NECAB3: variants seen among roughly 807,000 people sequenced by gnomAD.
The protein encoded by NECAB3 is N-terminal EF-hand calcium-binding protein 3.
Under a neutral mutation model 57.2 loss-of-function variants are expected in NECAB3, and 38 were observed. That is an observed-to-expected ratio of 0.66 (90% CI 0.51 to 0.87). The LOEUF is 0.87. NECAB3 is among the 40% of genes least tolerant of loss of function. NECAB3 has a pLI of 0.00. For synonymous variants in NECAB3, 223 were observed against 222.6 expected (o/e 1.00, Z -0.02); for missense variants, 474 against 527.5 (o/e 0.90, Z 0.99).
At chr20:33,672,123 G>A (rs965847938) in intron 2 of NECAB3, 11 of 536,162 alleles carry the variant, frequency 2.1e-5, no homozygotes, top group Non-Finnish European at 2.7e-5. Flanking sequence ...AGAGGGCCAC[G>A]TACAGGAAGT....
chr20:33,667,662 C>G, intron 5 of NECAB3: 1 of 1,611,152 alleles, frequency 6.2e-7, no homozygotes, highest in Non-Finnish European at 8.5e-7. Context: ...TGTCGCGCTA[C>G]CTGCGGGATC....
rs745903315 is a variant in NECAB3 at position 33,663,481 on chromosome 20, G to C, written c.388-3086C>G. The stretch of plus-strand genomic sequence containing the variant: ...GAAGCGCGGAGCGGCCCCGGGTCGT[G>C]GGCTCGGCCCTAGCGCGCTCTCCCG... On this transcript the variant is annotated intron_variant, in intron 5 of 11. Coordinates refer to ENST00000246190, the MANE Select transcript of NECAB3 (RefSeq NM_031232.4). 1.1e-5 allele frequency: 17 copies of C among 1,556,530 alleles called. No homozygotes were observed. In the African/African-American group the frequency reaches 2.2e-4, roughly 20 times the overall value.
intron 10 of NECAB3, among the ~76,000 whole-genome samples, chr20:33,658,262 T>C (rs1352782089): frequency 6.6e-6 from 1 of 152,216 alleles, no homozygotes. Context: ...CCTGTGTCCC[T>C]GTGCTGTATT....
At chr20:33,663,398 CGA>C (rs2017542879) in intron 5 of NECAB3, 1 of 972,726 alleles carries the variant, frequency 1.0e-6, no homozygotes, top group Non-Finnish European at 1.5e-6. Context: ...GCCCTGTGCA[CGA>C]GAGGATGACA....
rs372277016 is a variant in NECAB3 at position 33,671,442 on chromosome 20, C to G, written c.155-650G>C. ...TCTGAACCTCCCCAGACAGAACTCC[C>G]TGGTCCAAGTGAGAGCATGTGTCCT... On this transcript the variant is annotated intron_variant, in intron 2 of 11. Transcript: ENST00000246190. 9.9e-5 allele frequency among the ~76,000 whole-genome samples: 15 copies of G among 152,250 alleles called. No homozygotes were observed. The East Asian group carries it at 2.5e-3, about 25-fold the overall frequency.
intron 5 of NECAB3, chr20:33,663,881 A>G: frequency 7.2e-7 from 1 of 1,381,574 alleles, no homozygotes; most frequent in Non-Finnish European, 9.3e-7. Flanking sequence ...CTTGGCCCGG[A>G]CCCCGCCCAA....
intron 10 of NECAB3, among the ~76,000 whole-genome samples, 165 bp downstream of exon 10, chr20:33,658,312 G>A (rs929696809): frequency 2.0e-5 from 3 of 152,146 alleles, no homozygotes; most frequent in Admixed American, 2.0e-4. Context: ...ATAGGAGTTG[G>A]AACTGTTATC....
At chr20:33,673,606 C>CT (rs1299673846) in intron 1 of NECAB3, among the ~76,000 whole-genome samples, 20 of 151,874 alleles carry the variant, frequency 1.3e-4, no homozygotes, top group Non-Finnish European at 7.4e-5. Flanking sequence ...GGTCAAGGTG[C>CT]TGAGTCACTA....
At chr20:33,667,459 G>C in intron 5 of NECAB3, 1 of 1,431,152 alleles carries the variant, frequency 7.0e-7, no homozygotes, top group Non-Finnish European at 9.1e-7. Flanking sequence ...AAGGGTGGCG[G>C]AGCTGCTGTT....
At chr20:33,670,596 C>G in intron 3 of NECAB3, 88 bp downstream of exon 3, 1 of 941,598 alleles carries the variant, frequency 1.1e-6, no homozygotes, top group Non-Finnish European at 1.6e-6. Flanking sequence ...TCTTCCTCAT[C>G]CTACAAAAGG....
Position 33,660,153 on chromosome 20 carries a change from C to A in NECAB3, c.524+106G>T. 1 of 1,534,368 alleles carries A rather than the reference C, an allele frequency of 6.5e-7. No individual in the cohort carries two copies. The highest frequency in any genetic ancestry group is 1.2e-5 in the South Asian group (1 of 81,404). ...CATGGCTACCCTGCCATGGCTTCCC[C>A]GCCCGAAAATGCAGGCTCCAGGATG... On this transcript the variant is annotated intron_variant, in intron 6 of 11. Coordinates refer to ENST00000246190, the MANE Select transcript of NECAB3 (RefSeq NM_031232.4). The surrounding 1 kb of genome is among the most constrained non-coding windows in gnomAD (Gnocchi z 4.1).
chr20:33,657,461 G>T lies in NECAB3; in HGVS notation c.*368C>A. On this transcript the variant is annotated 3_prime_UTR_variant, in exon 12 of 12. Coordinates refer to ENST00000246190, the MANE Select transcript of NECAB3 (RefSeq NM_031232.4). ...GGAGCAGAAGCCTGGTCCCAAGACA[G>T]CAGGAAGAAAGCAGGACCCTCGCTA... 3.7e-6 allele frequency: 1 copy of T among 269,434 alleles called. No individual in the cohort carries two copies. The highest frequency in any genetic ancestry group is 6.9e-6 in the Non-Finnish European group (1 of 145,240). 16.7% of individuals were successfully genotyped at this position (269,434 alleles called of 1,614,324 possible).
rs2017314016 is a variant in NECAB3, at chr20:33,657,174, C to A, written c.*655G>T. 6.5e-6 allele frequency: 1 copy of A among 152,690 alleles called. No individual in the cohort carries two copies. The highest frequency in any genetic ancestry group is 1.5e-5 in the Non-Finnish European group (1 of 68,068). The allele number at this position is 152,690 out of a possible 1,614,324, so 9.5% of individuals were successfully genotyped here. The stretch of plus-strand genomic sequence containing the variant: ...CTGGGGGCAATAGGTGACCCTGGAC[C>A]CAAATTATTGCTACTTGGCCAGGTC... On this transcript the variant is annotated 3_prime_UTR_variant, in exon 12 of 12. Coordinates refer to ENST00000246190, the MANE Select transcript of NECAB3 (RefSeq NM_031232.4).
intron 2 of NECAB3, among the ~76,000 whole-genome samples, chr20:33,671,032 A>T (rs761254415): frequency 1.3e-5 from 2 of 152,258 alleles, no homozygotes; most frequent in African/African-American, 2.4e-5. Flanking sequence ...ACAGGGCAGT[A>T]TGTACATAGC....
At chr20:33,670,137 G>T in intron 3 of NECAB3, 1 of 188,686 alleles carries the variant, frequency 5.3e-6, no homozygotes, top group Non-Finnish European at 1.1e-5. Flanking sequence ...GGAACTGGGT[G>T]GGGAGTCTGG....
intron 5 of NECAB3, chr20:33,664,528 CAA>C (rs1257741600): frequency 6.1e-6 from 1 of 164,148 alleles, no homozygotes; most frequent in Non-Finnish European, 1.3e-5. Context: ...CCCCACGTGA[CAA>C]AGACTAATTC....
intron 8 of NECAB3, 33 bp downstream of exon 8, chr20:33,659,464 C>T: frequency 7.0e-7 from 1 of 1,438,118 alleles, no homozygotes; most frequent in Non-Finnish European, 9.2e-7. Context: ...CCAGACACGG[C>T]CATCCAGCCG....
At chr20:33,672,450 C>T (rs1258459484) in intron 1 of NECAB3, 28 bp from the exon 2 acceptor site, 1 of 1,613,962 alleles carries the variant, frequency 6.2e-7, no homozygotes, top group Admixed American at 1.7e-5. Flanking sequence ...ATAGAGAGAA[C>T]TGTGAGTGCC....
upstream of NECAB3, among the ~76,000 whole-genome samples, chr20:33,675,015 T>C (rs2017928165): frequency 6.6e-6 from 1 of 151,848 alleles, no homozygotes; most frequent in Non-Finnish European, 1.5e-5. Flanking sequence ...GGCCCCTGAA[T>C]AAAGCTTAAG....
Sources: gnomAD v4.1 joint callset for allele counts (sites outside exome capture counted in the v4.1 genomes callset) on GRCh38, gnomAD v4.1.1 for gene constraint, Gnocchi (gnomAD v3.1) non-coding constraint, MANE v1.5 for transcripts, NCBI Gene and HGNC (gene_info 2026-07-23, HGNC 2026-07-21) for gene names.